NFATC1: variants seen among roughly 807,000 people sequenced by gnomAD.
NFATC1 encodes the protein nuclear factor of activated T cells 1, also known as nuclear factor of activated T-cells, cytoplasmic 1.
A neutral mutation model predicts 76.0 loss-of-function variants in NFATC1; 22 were observed. That is an observed-to-expected ratio of 0.29 (90% CI 0.21 to 0.41). The LOEUF is 0.41. NFATC1 is among the 10% of genes least tolerant of loss of function. The pLI, the probability that NFATC1 is intolerant of heterozygous loss-of-function variation, is 1.00. For synonymous variants in NFATC1, 704 were observed against 613.1 expected (o/e 1.15, Z -2.19); for missense variants, 1,357 against 1,337.7 (o/e 1.01, Z -0.23).
At chr18:79,453,973 T>A (rs1011134764) in intron 6 of NFATC1, among the ~76,000 whole-genome samples, 2 of 152,196 alleles carry the variant, frequency 1.3e-5, no homozygotes. Context: ...CACATCCTCA[T>A]CCTGGCAACG....
rs1175576794 is a variant in NFATC1, at chr18:79,411,228, C to T, written c.953C>T (p.Ala318Val). 7 of 1,604,614 alleles carry T rather than the reference C, an allele frequency of 4.4e-6. No individual in the cohort carries two copies. Among genetic ancestry groups the T allele is most frequent in the Non-Finnish European group, 4.2e-6 (5 of 1,179,828 alleles). The change falls in exon 2 of 10, where the codon GCG (alanine) becomes GTG (valine). Residue 318 changes from alanine to valine, a missense_variant. Around this residue, in one of 3 missense-constraint regions of NFATC1, gnomAD observed 691 missense variants for 613.1 expected, o/e 1.13. Coordinates refer to ENST00000427363, the MANE Select transcript of NFATC1 (RefSeq NM_001278669.2). ...TCGGCCATCGTGGCCGCCATCAACG[C>T]GCTGACCACCGACAGCAGCCTGGAC... ...TSSAIVAAIN[A>V]LTTDSSLDLG...
intron 1 of NFATC1, among the ~76,000 whole-genome samples, chr18:79,403,286 C>G (rs2085328155): frequency 6.6e-6 from 1 of 152,254 alleles, no homozygotes; most frequent in Non-Finnish European, 1.5e-5. Flanking sequence ...AAGTGCTCAG[C>G]AGGTGCAAAG....
At chr18:79,514,641 G>A (rs2090336639) in intron 9 of NFATC1, among the ~76,000 whole-genome samples, 1 of 147,696 alleles carries the variant, frequency 6.8e-6, no homozygotes, top group Non-Finnish European at 1.5e-5. Flanking sequence ...CGAAGCAGGT[G>A]TCTTTTTTAA....
At chr18:79,478,373 T>C (rs2089158554) in intron 8 of NFATC1, among the ~76,000 whole-genome samples, 1 of 152,034 alleles carries the variant, frequency 6.6e-6, no homozygotes, top group Non-Finnish European at 1.5e-5. Flanking sequence ...CCAAGGGGAC[T>C]ACGTTGGGAG....
intron 8 of NFATC1, among the ~76,000 whole-genome samples, chr18:79,478,111 C>T (rs1236848591): frequency 1.3e-4 from 15 of 111,852 alleles, no homozygotes; most frequent in Non-Finnish European, 2.8e-4. Flanking sequence ...CCGTTCTTGC[C>T]CCCAGGCCCC....
At chr18:79,406,463 C>G (rs537276456) in intron 1 of NFATC1, among the ~76,000 whole-genome samples, 1 of 152,086 alleles carries the variant, frequency 6.6e-6, no homozygotes, top group Non-Finnish European at 1.5e-5. Context: ...ATCGTGTTCC[C>G]TCAGTTCCGC....
chr18:79,482,052 T>G (rs2089294632), intron 8 of NFATC1, among the ~76,000 whole-genome samples: 1 of 140,172 alleles, frequency 7.1e-6, no homozygotes, highest in African/African-American at 2.7e-5. Context: ...GTGAGCTGTT[T>G]CCTGGGGTGT....
In NFATC1 at chr18:79,400,407, G is replaced by A. The variant is rs747343711; in HGVS notation, c.127+4056G>A. ...CCGACCCGCCATGACGGGGCTGGAG[G>A]ACCAGGAGTTCGACTTCGAGTTCCT... On this transcript the variant is annotated intron_variant, in intron 1 of 9. Transcript: ENST00000427363. 22 of 1,494,192 alleles carry A rather than the reference G, an allele frequency of 1.5e-5. No homozygotes were observed. The South Asian group carries it at 2.4e-4, about 16-fold the overall frequency. 92.6% of individuals were successfully genotyped at this position (1,494,192 alleles called of 1,614,324 possible).
At position 79,486,596 on chromosome 18, in the gene NFATC1, C is replaced by G. The variant is rs2089504944; in HGVS notation, c.2441C>G (p.Pro814Arg). 1 of 1,591,008 alleles carries G rather than the reference C, an allele frequency of 6.3e-7. No individual in the cohort carries two copies. Among genetic ancestry groups the G allele is most frequent in the East Asian group, 2.3e-5 (1 of 44,336 alleles). The change falls in exon 9 of 10, where the codon CCC (proline) becomes CGC (arginine). Residue 814 changes from proline (P) to arginine (R), a missense_variant. Pro to Arg is a moderately radical substitution (Grantham distance 103, BLOSUM62 -2). Transcript: ENST00000427363. The part of the protein sequence containing the change: ...PRPVATHPGS[P>R]GQPPPALLPQ... ...CCAGTGGCCACGCACCCCGGCTCGCCCGGGCAGCCACCCCCGGCCCTGCTG... is the reference window on the plus strand; with the variant it reads ...CCAGTGGCCACGCACCCCGGCTCGCGCGGGCAGCCACCCCCGGCCCTGCTG...
intron 7 of NFATC1, 84 bp downstream of exon 7, chr18:79,461,450 C>CA: frequency 3.6e-6 from 5 of 1,382,322 alleles, no homozygotes; most frequent in African/African-American, 1.5e-5. Flanking sequence ...TGCGGGTCCC[C>CA]AGGCCTTGGG....
Position 79,424,657 on chromosome 18 carries a change from C to CT in NFATC1, c.1227-8921dup, listed in dbSNP as rs375463869. Among the ~76,000 whole-genome samples, 303 of 151,684 alleles carry CT rather than the reference C, an allele frequency of 2.0e-3. 2 individuals are homozygous for CT. Among genetic ancestry groups the CT allele is most frequent in the African/African-American group, 6.9e-3 (287 of 41,336 alleles). On this transcript the variant is annotated intron_variant, in intron 2 of 9. Transcript: ENST00000427363. ...TGTCTCTCTGTCTCTCTTTCCGTCT[C>CT]TGTCTCTCCATCTCTGTCTCTGTCC...
At position 79,490,088 on chromosome 18, in the gene NFATC1, T is replaced by TC. The variant is rs552582945; in HGVS notation, c.2782+3158dup. ...AAGCAGTGTCAGCTGTGGCCTGATC[T>TC]CCCCCCCGCCCCCGCCCCCCCGTGG... On this transcript the variant is annotated intron_variant, in intron 9 of 9. Transcript: ENST00000427363. 8.3e-4 allele frequency among the ~76,000 whole-genome samples: 123 copies of TC among 147,600 alleles called. 3 individuals carry two copies. The East Asian group carries it at 0.017, about 21-fold the overall frequency.
chr18:79,448,551 C>T (rs1016754863), intron 3 of NFATC1: 4 of 571,582 alleles, frequency 7.0e-6, no homozygotes, highest in African/African-American at 3.7e-5. Flanking sequence ...TGGATGCATA[C>T]GTGCAAGGCC....
intron 2 of NFATC1, among the ~76,000 whole-genome samples, chr18:79,432,206 G>A (rs536108705): frequency 1.3e-5 from 2 of 152,388 alleles, no homozygotes; most frequent in African/African-American, 4.8e-5. Flanking sequence ...ATGATGGTCA[G>A]CAGCTCTAGG....
intron 2 of NFATC1, among the ~76,000 whole-genome samples, chr18:79,415,865 C>T (rs1416895482): frequency 6.6e-6 from 1 of 151,964 alleles, no homozygotes; most frequent in South Asian, 2.1e-4. Flanking sequence ...AGTTCAAGAC[C>T]AGCCTGGCCA....
At chr18:79,412,032 G>A (rs562681960) in intron 2 of NFATC1, among the ~76,000 whole-genome samples, 1 of 152,326 alleles carries the variant, frequency 6.6e-6, no homozygotes, top group East Asian at 1.9e-4. Flanking sequence ...GTGCCCCAGA[G>A]CACCCAGTCC....
intron 9 of NFATC1, among the ~76,000 whole-genome samples, chr18:79,506,222 G>A (rs1443207054): frequency 3.3e-5 from 5 of 152,180 alleles, no homozygotes; most frequent in Non-Finnish European, 7.3e-5. Context: ...GGTTTCAGTT[G>A]CCTCCTCAGC....
intron 8 of NFATC1, among the ~76,000 whole-genome samples, chr18:79,474,168 ACGCT>A (rs2088924894): frequency 8.2e-6 from 1 of 121,732 alleles, no homozygotes; most frequent in African/African-American, 3.5e-5. Context: ...GCGTGTTCTC[ACGCT>A]CGCTGTCGAC....
chr18:79,400,424 C>T, intron 1 of NFATC1: 3 of 1,496,450 alleles, frequency 2.0e-6, no homozygotes, highest in African/African-American at 1.5e-5. Context: ...AGTTCGACTT[C>T]GAGTTCCTCT....
Sources: gnomAD v4.1 joint callset for allele counts (sites outside exome capture counted in the v4.1 genomes callset) on GRCh38, gnomAD v4.1.1 for gene constraint, gnomAD v4.1.1 regional missense constraint, MANE v1.5 for transcripts, NCBI Gene and HGNC (gene_info 2026-07-23, HGNC 2026-07-21) for gene names.